PGD: variants seen among roughly 807,000 people sequenced by gnomAD.
PGD encodes the protein 6-phosphogluconate dehydrogenase, decarboxylating.
Under a neutral mutation model 60.4 loss-of-function variants are expected in PGD, and 21 were observed. The observed-to-expected ratio is 0.35, with a 90% CI of 0.25 to 0.50. The LOEUF (loss-of-function observed/expected upper bound fraction) is 0.50, where lower values mean the gene tolerates loss of function less well. PGD is among the 20% of genes least tolerant of loss of function. The pLI is 0.98. For synonymous variants in PGD, 230 were observed against 235.9 expected (o/e 0.97, Z 0.23); for missense variants, 477 against 613.1 (o/e 0.78, Z 2.34).
chr1:10,404,408 A>G (rs1478617396), intron 5 of PGD, 129 bp downstream of exon 5: 1 of 497,712 alleles, frequency 2.0e-6, no homozygotes, highest in Non-Finnish European at 3.5e-6. Context: ...AGATGCTGGC[A>G]ATTTCTTTTA....
chr1:10,407,959 AAAAAG>A (rs1639434455), intron 5 of PGD, 107 bp from the exon 6 acceptor site: 14 of 728,314 alleles, frequency 1.9e-5, no homozygotes, highest in Non-Finnish European at 2.2e-5. Context: ...AAAAAAAAAA[AAAAAG>A]AAAGGAAAAG....
At chr1:10,407,975 A>G in intron 5 of PGD, 96 bp from the exon 6 acceptor site, 1 of 737,938 alleles carries the variant, frequency 1.4e-6, no homozygotes. Flanking sequence ...AAAGGAAAAG[A>G]TAGGGGTTGG....
chr1:10,408,850 A>G (rs1639450477), intron 6 of PGD, among the ~76,000 whole-genome samples: 1 of 152,212 alleles, frequency 6.6e-6, no homozygotes, highest in East Asian at 1.9e-4. Flanking sequence ...CTCTCAAGTC[A>G]TCTGCCTGCC....
At chr1:10,412,189 G>A (rs1478825240) in intron 7 of PGD, among the ~76,000 whole-genome samples, 1 of 152,164 alleles carries the variant, frequency 6.6e-6, no homozygotes, top group South Asian at 2.1e-4. Flanking sequence ...TCTTTATCAT[G>A]AGGTAAACAT....
chr1:10,403,904 T>C (rs115789191), intron 4 of PGD, among the ~76,000 whole-genome samples: 2,106 of 152,308 alleles, frequency 0.014, 29 homozygotes, highest in Non-Finnish European at 0.02. Context: ...TTAATTATTT[T>C]ACTTTGGGGA....
At chr1:10,402,685 G>A (rs1271323205) in intron 3 of PGD, among the ~76,000 whole-genome samples, 3 of 151,686 alleles carry the variant, frequency 2.0e-5, no homozygotes, top group Admixed American at 6.6e-5. Context: ...CACAACGCCC[G>A]GCTAATTTTT....
intron 5 of PGD, 112 bp downstream of exon 5, chr1:10,404,391 A>C (rs1045071528): frequency 7.2e-6 from 4 of 551,838 alleles, no homozygotes; most frequent in Non-Finnish European, 1.2e-5. Context: ...TGAGTGTGAC[A>C]GCTGGGAGAT....
intron 5 of PGD, among the ~76,000 whole-genome samples, chr1:10,404,886 T>C (rs531729743): frequency 1.3e-3 from 192 of 152,296 alleles, no homozygotes; most frequent in Middle Eastern, 3.4e-3. Flanking sequence ...TTAGCTGATA[T>C]ATAACCCAAA....
intron 7 of PGD, among the ~76,000 whole-genome samples, chr1:10,412,673 G>A (rs931728991): frequency 6.6e-6 from 1 of 152,186 alleles, no homozygotes; most frequent in African/African-American, 2.4e-5. Flanking sequence ...CCCTCCCGGA[G>A]CTGGGAAGAC....
At chr1:10,399,946 G>A (rs1345694255) in intron 2 of PGD, 9 of 579,208 alleles carry the variant, frequency 1.6e-5, no homozygotes, top group African/African-American at 1.5e-4. Flanking sequence ...GAACGAATTA[G>A]TGTCTTAAGT....
At chr1:10,399,447 C>T (rs113263076) in intron 1 of PGD, 182 bp from the exon 2 acceptor site, 2 of 494,458 alleles carry the variant, frequency 4.0e-6, no homozygotes, top group Non-Finnish European at 6.7e-6. Flanking sequence ...GAGGGCGGGG[C>T]TGGGGGCCGC....
In PGD at chr1:10,403,444, A is replaced by G. The variant is rs1397737690; in HGVS notation, c.330+308A>G. ...GTCTCTACTAAAAATACAAAAAATT[A>G]GCCTGGCATGGTGGCATGCGCCTGT... On this transcript the variant is annotated intron_variant, in intron 4 of 12. Coordinates refer to ENST00000270776, the MANE Select transcript of PGD (RefSeq NM_002631.4). 3.3e-5 allele frequency among the ~76,000 whole-genome samples: 5 copies of G among 152,202 alleles called. No homozygotes were observed. In the East Asian group the frequency reaches 9.6e-4, roughly 29 times the overall value.
rs770869259 is a variant in PGD, at chr1:10,418,816, A to T, written c.1110-10A>T. 2.1e-5 allele frequency: 28 copies of T among 1,342,730 alleles called. No individual in the cohort carries two copies. The highest frequency in any genetic ancestry group is 2.6e-5 in the Non-Finnish European group (25 of 947,424). 83.2% of individuals were successfully genotyped at this position (1,342,730 alleles called of 1,614,324 possible). A position where few individuals can be genotyped will look rare whatever the true frequency, so the allele number is the denominator to read the frequency against. On this transcript the variant is annotated splice_polypyrimidine_tract_variant and intron_variant, in intron 10 of 12. Coordinates refer to ENST00000270776, the MANE Select transcript of PGD (RefSeq NM_002631.4). Reference sequence around the variant, plus strand: ...GACTCATTGCTTTTTTCCCCCCTTGATTATTTCAGTGTATTCCTAGGAAAG... The same window carrying T: ...GACTCATTGCTTTTTTCCCCCCTTGTTTATTTCAGTGTATTCCTAGGAAAG...
chr1:10,405,829 C>T (rs1317778671), intron 5 of PGD, among the ~76,000 whole-genome samples: 5 of 151,844 alleles, frequency 3.3e-5, no homozygotes, highest in African/African-American at 4.8e-5. Flanking sequence ...GAGCGAGACT[C>T]GGTCTCAGTA....
intron 5 of PGD, 120 bp from the exon 6 acceptor site, chr1:10,407,948 CAAA>C (rs71583867): frequency 6.5e-3 from 3,727 of 571,584 alleles, no homozygotes; most frequent in South Asian, 9.2e-3. Flanking sequence ...GACCCTGTCT[CAAA>C]AAAAAAAAAA....
intron 2 of PGD, 101 bp from the exon 3 acceptor site, chr1:10,400,292 C>T (rs1169219313): frequency 9.1e-6 from 8 of 876,624 alleles, no homozygotes; most frequent in South Asian, 4.8e-5. Flanking sequence ...GGTCTGACCT[C>T]CCCAGAACTT....
At chr1:10,408,040 A>G (rs1282077727) in intron 5 of PGD, 31 bp from the exon 6 acceptor site, 3 of 1,411,738 alleles carry the variant, frequency 2.1e-6, no homozygotes, top group African/African-American at 1.4e-5. Flanking sequence ...GTCTCTTCTC[A>G]TTAACTGAAC....
At chr1:10,400,312 G>A in intron 2 of PGD, 81 bp from the exon 3 acceptor site, 1 of 1,084,628 alleles carries the variant, frequency 9.2e-7, no homozygotes, top group Non-Finnish European at 1.4e-6. Flanking sequence ...TGGGTTGAAT[G>A]GAAAGGTCAT....
chr1:10,418,961 C>A, intron 11 of PGD, 36 bp downstream of exon 11: 1 of 1,143,576 alleles, frequency 8.7e-7, no homozygotes, highest in Non-Finnish European at 1.3e-6. Context: ...GGTTACTCTA[C>A]CTCCCTGGGG....
Sources: gnomAD v4.1 joint callset for allele counts (sites outside exome capture counted in the v4.1 genomes callset) on GRCh38, gnomAD v4.1.1 for gene constraint, MANE v1.5 for transcripts, NCBI Gene and HGNC (gene_info 2026-07-23, HGNC 2026-07-21) for gene names.